The following ANKRD17 variants were observed in gnomAD, a reference collection of about 807,000 sequenced individuals.
ANKRD17 encodes ankyrin repeat domain-containing protein 17.
ANKRD17 carries 19 observed loss-of-function variants against 229.7 expected under a neutral mutation model. That is an observed-to-expected ratio of 0.08 (90% confidence interval 0.06 to 0.12). ANKRD17 has a LOEUF of 0.12. Ranked by LOEUF, ANKRD17 falls within the 10% of genes least tolerant of loss-of-function variation. The pLI is 1.00. For missense variants in ANKRD17, 2,176 were observed against 3,176.8 expected (o/e 0.68, Z 7.57); for synonymous variants, 1,112 against 1,146.1 (o/e 0.97, Z 0.60).
intron 23 of ANKRD17, among the ~76,000 whole-genome samples, chr4:73,114,811 A>C (rs1270130005): frequency 1.3e-5 from 2 of 152,206 alleles, no homozygotes; most frequent in African/African-American, 2.4e-5. Flanking sequence ...CTATCATGTA[A>C]TAGCAACTGT....
chr4:73,240,806 C>CTTTTTT (rs111961579), intron 1 of ANKRD17, among the ~76,000 whole-genome samples: 6 of 127,028 alleles, frequency 4.7e-5, no homozygotes, highest in Non-Finnish European at 1.0e-4. Context: ...AGTACTTATT[C>CTTTTTT]TTTTTTTTTT....
intron 1 of ANKRD17, among the ~76,000 whole-genome samples, chr4:73,219,340 A>G (rs1224258582): frequency 6.8e-6 from 1 of 147,124 alleles, no homozygotes; most frequent in Non-Finnish European, 1.5e-5. Context: ...AAAAAGAAAT[A>G]TAACACGTAT....
In ANKRD17 at chr4:73,204,358, C is replaced by CAAA. The variant is rs374000000; in HGVS notation, c.394-26828_394-26826dup. Among the ~76,000 whole-genome samples, 190 of 59,042 alleles carry CAAA rather than the reference C, an allele frequency of 3.2e-3. 1 individual carries two copies. The highest frequency in any genetic ancestry group is 0.012 in the Middle Eastern group (1 of 82). 38.7% of individuals were successfully genotyped at this position (59,042 alleles called of 152,430 possible). On this transcript the variant is annotated intron_variant, in intron 1 of 33. Transcript: ENST00000358602. ...CCTGGGCGACAAAGTGAGACTCCGT[C>CAAA]AAAAAAAAAAAAAAAAAAAAAGAAA... is the stretch of plus-strand genomic sequence containing the variant.
At chr4:73,120,450 C>A (rs1417174543) in intron 20 of ANKRD17, 113 bp from the exon 21 acceptor site, 2 of 961,684 alleles carry the variant, frequency 2.1e-6, no homozygotes, top group Non-Finnish European at 1.5e-6. Flanking sequence ...CCAAGATTCA[C>A]AACTAAATTT....
In ANKRD17 at chr4:73,153,874, C is replaced by A; in HGVS notation, c.1234+6G>T. 6.4e-7 allele frequency: 1 copy of A among 1,557,228 alleles called. No homozygotes were observed. Among genetic ancestry groups the A allele is most frequent in the African/African-American group, 1.4e-5 (1 of 73,150 alleles). On this transcript the variant is annotated splice_donor_region_variant and intron_variant, in intron 6 of 33. Transcript: ENST00000358602. ...AACTTTGTTTTAAGAAAGGTTTATACTGTACCTTTGTAACAAGCTAAGGTA... is the reference window on the plus strand; with the variant it reads ...AACTTTGTTTTAAGAAAGGTTTATAATGTACCTTTGTAACAAGCTAAGGTA...
chr4:73,191,159 A>T (rs1308239396), intron 1 of ANKRD17, among the ~76,000 whole-genome samples: 1 of 152,162 alleles, frequency 6.6e-6, no homozygotes, highest in East Asian at 1.9e-4. Flanking sequence ...TGTCAAATAT[A>T]ATATAAAATG....
At chr4:73,166,687 T>C (rs1007765149) in intron 2 of ANKRD17, among the ~76,000 whole-genome samples, 2 of 145,886 alleles carry the variant, frequency 1.4e-5, no homozygotes, top group Non-Finnish European at 3.0e-5. Flanking sequence ...AAATAGGAAA[T>C]ACAACACACA....
chr4:73,189,851 C>T (rs1479759020), intron 1 of ANKRD17, among the ~76,000 whole-genome samples: 3 of 152,050 alleles, frequency 2.0e-5, no homozygotes, highest in African/African-American at 7.2e-5. Flanking sequence ...GTGCTAACAC[C>T]AGTGTGTGAC....
chr4:73,163,621 T>A (rs981196692), intron 2 of ANKRD17, among the ~76,000 whole-genome samples: 4 of 152,192 alleles, frequency 2.6e-5, no homozygotes, highest in African/African-American at 9.7e-5. Context: ...TGTTTAAAGT[T>A]TTGAAAGTGT....
At chr4:73,147,108 T>C (rs79460463) in intron 9 of ANKRD17, 133 bp downstream of exon 9, 46,661 of 871,698 alleles carry the variant, frequency 0.054, 1,524 homozygotes, top group Middle Eastern at 0.09. Context: ...TCAGAATACA[T>C]ACAAAGGTAT....
chr4:73,203,905 A>C (rs1739056821), intron 1 of ANKRD17, among the ~76,000 whole-genome samples: 1 of 152,144 alleles, frequency 6.6e-6, no homozygotes, highest in Non-Finnish European at 1.5e-5. Context: ...TCACAATGAA[A>C]CTACTAAAAA....
Position 73,078,713 on chromosome 4 carries a change from A to G in ANKRD17, c.7337T>C (p.Ile2446Thr), listed in dbSNP as rs1167153606. The G allele has an allele frequency of 1.2e-6, 2 of 1,614,200 alleles. No homozygotes were observed. The highest frequency in any genetic ancestry group is 1.3e-5 in the African/African-American group (1 of 75,050). Reference sequence around the variant, plus strand: ...TACTGATGTAGACAAATTGCTCCCAATAACAGATGGAGCTGACGTTCCAGT... The same window carrying G: ...TACTGATGTAGACAAATTGCTCCCAGTAACAGATGGAGCTGACGTTCCAGT... ...RQTGTSAPSVIGSNLSTSVGH... is the reference protein window; with the variant it reads ...RQTGTSAPSVTGSNLSTSVGH... Residue 2446 changes from isoleucine to threonine, a missense_variant, in exon 31 of 34, where the codon ATT becomes ACT. Ile to Thr is a moderately conservative substitution (Grantham distance 89). Coordinates refer to ENST00000358602, the MANE Select transcript of ANKRD17 (RefSeq NM_032217.5).
intron 1 of ANKRD17, among the ~76,000 whole-genome samples, chr4:73,196,246 C>T (rs908765395): frequency 2.0e-5 from 3 of 152,144 alleles, no homozygotes; most frequent in African/African-American, 7.2e-5. Flanking sequence ...GACCTGCCCA[C>T]CTCGGCCTCC....
chr4:73,138,592 G>A (rs1729206617), intron 15 of ANKRD17, among the ~76,000 whole-genome samples: 1 of 152,012 alleles, frequency 6.6e-6, no homozygotes, highest in African/African-American at 2.4e-5. Flanking sequence ...TCTAAGTACA[G>A]ATGAATGAAT....
chr4:73,121,507 A>C (rs1726716925), intron 19 of ANKRD17, 110 bp downstream of exon 19: 1 of 1,356,692 alleles, frequency 7.4e-7, no homozygotes, highest in African/African-American at 1.5e-5. Flanking sequence ...TTGAATGCCA[A>C]ATTTGTAATA....
At chr4:73,200,748 T>C (rs917239004) in intron 1 of ANKRD17, among the ~76,000 whole-genome samples, 1 of 152,004 alleles carries the variant, frequency 6.6e-6, no homozygotes, top group Non-Finnish European at 1.5e-5. Flanking sequence ...TTCCCATCCT[T>C]TCTGTCAGTT....
At chr4:73,130,246 C>T (rs969491696) in intron 16 of ANKRD17, among the ~76,000 whole-genome samples, 1 of 152,026 alleles carries the variant, frequency 6.6e-6, no homozygotes, top group South Asian at 2.1e-4. Flanking sequence ...TGAGAATAAT[C>T]AGTAAAATAA....
chr4:73,218,961 T>C lies in ANKRD17; in HGVS notation c.393+39315A>G, dbSNP rs887148822. Among the ~76,000 whole-genome samples the C allele has an allele frequency of 2.9e-4, 44 of 152,220 alleles. 1 individual carries two copies. The highest frequency in any genetic ancestry group is 1.9e-4 in the East Asian group (1 of 5,168). ...CTGTAATCCCAGCTACTCGGGAGGCTGAGGCAGGAGAATCACTTGAACCCA... is the reference window on the plus strand; with the variant it reads ...CTGTAATCCCAGCTACTCGGGAGGCCGAGGCAGGAGAATCACTTGAACCCA... On this transcript the variant is annotated intron_variant, in intron 1 of 33. Transcript: ENST00000358602.
intron 1 of ANKRD17, among the ~76,000 whole-genome samples, chr4:73,194,455 G>A (rs1373273798): frequency 2.0e-5 from 3 of 152,046 alleles, no homozygotes; most frequent in Admixed American, 6.6e-5. Flanking sequence ...GTTTTGATTA[G>A]CTTTATAATA....
Sources: gnomAD v4.1 joint callset for allele counts (sites outside exome capture counted in the v4.1 genomes callset) on GRCh38, gnomAD v4.1.1 for gene constraint, MANE v1.5 for transcripts, NCBI Gene and HGNC (gene_info 2026-07-23, HGNC 2026-07-21) for gene names.